PLA2G4A: variants seen among roughly 807,000 people sequenced by gnomAD.
PLA2G4A encodes cytosolic phospholipase A2.
In PLA2G4A, 40 loss-of-function variants were observed where a neutral mutation model predicts 81.9. That is an observed-to-expected ratio of 0.49 (90% CI 0.38 to 0.64). PLA2G4A has a LOEUF of 0.64. Among genes scored for constraint, PLA2G4A ranks in the 30% least tolerant of loss-of-function variants. PLA2G4A has a pLI of 0.00. For missense variants in PLA2G4A, 715 were observed against 905.1 expected, an observed-to-expected ratio of 0.79 and a Z score of 2.69; for synonymous variants, 302 against 296.9, an observed-to-expected ratio of 1.02 and a Z score of -0.18.
chr1:186,979,535 T>A, intron 17 of PLA2G4A, 63 bp downstream of exon 17: 7 of 1,010,162 alleles, frequency 6.9e-6, no homozygotes, highest in Non-Finnish European at 1.1e-5. Flanking sequence ...AATACACCAA[T>A]ACCTCTTTTC....
At chr1:186,919,508 G>A (rs763745673) in intron 7 of PLA2G4A, among the ~76,000 whole-genome samples, 23 of 152,266 alleles carry the variant, frequency 1.5e-4, no homozygotes, top group African/African-American at 3.9e-4. Flanking sequence ...GCAGAAGGTC[G>A]TCCACGTACA....
intron 2 of PLA2G4A, among the ~76,000 whole-genome samples, chr1:186,857,128 A>ATATATATTATATAATTATATAAT (rs1558367749): frequency 0.15 from 267 of 1,770 alleles, 6 homozygotes; most frequent in African/African-American, 0.29. Flanking sequence ...ATATTCTATA[A>ATATATATTATATAATTATATAAT]TATATATTAT....
At chr1:186,888,798 C>T (rs1388399210) in intron 3 of PLA2G4A, among the ~76,000 whole-genome samples, 3 of 151,246 alleles carry the variant, frequency 2.0e-5, no homozygotes, top group Admixed American at 6.6e-5. Context: ...TTGTATTCCA[C>T]GTTGGTTTTT....
chr1:186,870,584 C>G (rs979912556), intron 3 of PLA2G4A, 68 bp downstream of exon 3: 5 of 1,239,036 alleles, frequency 4.0e-6, no homozygotes, highest in Middle Eastern at 1.9e-4. Flanking sequence ...GCTTGAGTTC[C>G]TTGACAAATC....
chr1:186,868,030 G>A (rs1031810281), intron 2 of PLA2G4A, among the ~76,000 whole-genome samples: 1 of 147,368 alleles, frequency 6.8e-6, no homozygotes, highest in Non-Finnish European at 1.5e-5. Context: ...AACCAGCCTT[G>A]TGTATCTGAC....
intron 10 of PLA2G4A, among the ~76,000 whole-genome samples, chr1:186,943,304 C>T (rs2102226619): frequency 6.6e-6 from 1 of 152,296 alleles, no homozygotes; most frequent in East Asian, 1.9e-4. Context: ...TCCTCCACTA[C>T]ATCACATTGC....
intron 14 of PLA2G4A, among the ~76,000 whole-genome samples, chr1:186,963,692 G>A (rs999983695): frequency 1.3e-5 from 2 of 152,140 alleles, no homozygotes; most frequent in Non-Finnish European, 2.9e-5. Flanking sequence ...TCACTAGTAA[G>A]CGTTTGTAAC....
At chr1:186,913,266 A>C (rs1326634421) in intron 7 of PLA2G4A, among the ~76,000 whole-genome samples, 1 of 151,992 alleles carries the variant, frequency 6.6e-6, no homozygotes, top group Non-Finnish European at 1.5e-5. Flanking sequence ...CTGGAATATA[A>C]ATATAAACAA....
chr1:186,915,451 A>G (rs928567733), intron 7 of PLA2G4A, among the ~76,000 whole-genome samples: 26 of 152,208 alleles, frequency 1.7e-4, no homozygotes, highest in Admixed American at 1.5e-3. Context: ...CCCAAGTAGC[A>G]GGCCCATAAT....
chr1:186,987,418 G>A (rs1257324884), intron 17 of PLA2G4A, among the ~76,000 whole-genome samples: 2 of 152,202 alleles, frequency 1.3e-5, no homozygotes, highest in African/African-American at 2.4e-5. Context: ...CAATCCCTGA[G>A]GTAGAGAATA....
At chr1:186,857,158 A>ATATTC (rs1242993931) in intron 2 of PLA2G4A, among the ~76,000 whole-genome samples, 80 of 500 alleles carry the variant, frequency 0.16, no homozygotes, top group African/African-American at 0.23. Context: ...TAATTACATA[A>ATATTC]TATAATATAA....
intron 10 of PLA2G4A, among the ~76,000 whole-genome samples, chr1:186,942,838 G>A (rs1436597354): frequency 6.6e-6 from 1 of 152,214 alleles, no homozygotes; most frequent in Non-Finnish European, 1.5e-5. Context: ...ACTGAGATGA[G>A]TGGTGCATCA....
At position 186,954,247 on chromosome 1, in the gene PLA2G4A, A is replaced by T. The variant is rs191379897; in HGVS notation, c.1337-1855A>T. On this transcript the variant is annotated intron_variant, in intron 13 of 17. Coordinates refer to ENST00000367466, the MANE Select transcript of PLA2G4A (RefSeq NM_024420.3). Reference sequence around the variant, plus strand: ...AAATGTGGCAAATATATACCATGGAATACTATATAGCCATAAAAAAGGATG... The same window carrying T: ...AAATGTGGCAAATATATACCATGGATTACTATATAGCCATAAAAAAGGATG... 7.9e-5 allele frequency among the ~76,000 whole-genome samples: 12 copies of T among 152,326 alleles called. 1 individual carries two copies. In the South Asian group the frequency reaches 2.5e-3, roughly 32 times the overall value.
chr1:186,839,494 G>T (rs12720491), intron 1 of PLA2G4A, among the ~76,000 whole-genome samples: 1 of 152,080 alleles, frequency 6.6e-6, no homozygotes, highest in African/African-American at 2.4e-5. Context: ...TGTTAATTTC[G>T]TATTTTCCAA....
intron 5 of PLA2G4A, among the ~76,000 whole-genome samples, chr1:186,895,260 G>A (rs1416397655): frequency 6.6e-6 from 1 of 152,190 alleles, no homozygotes; most frequent in African/African-American, 2.4e-5. Context: ...GAATGAATGT[G>A]TACCTATTTA....
intron 7 of PLA2G4A, among the ~76,000 whole-genome samples, chr1:186,922,450 GGT>G (rs1655385117): frequency 6.6e-6 from 1 of 152,166 alleles, no homozygotes. Flanking sequence ...GTTCCTTCCT[GGT>G]GTTCAGCCAC....
At chr1:186,929,831 G>A (rs1276335491) in intron 7 of PLA2G4A, among the ~76,000 whole-genome samples, 1 of 152,168 alleles carries the variant, frequency 6.6e-6, no homozygotes, top group African/African-American at 2.4e-5. Context: ...GGAGGGCAAG[G>A]TGGGCAGATC....
At chr1:186,896,695 C>T (rs1654343638) in intron 5 of PLA2G4A, among the ~76,000 whole-genome samples, 1 of 152,210 alleles carries the variant, frequency 6.6e-6, no homozygotes, top group South Asian at 2.1e-4. Context: ...TCTAAAAAGG[C>T]TTTCCACATT....
intron 15 of PLA2G4A, among the ~76,000 whole-genome samples, chr1:186,966,649 G>C (rs1014430847): frequency 2.6e-5 from 4 of 152,102 alleles, no homozygotes; most frequent in Non-Finnish European, 5.9e-5. Flanking sequence ...AGATTGCTGG[G>C]CTGCACTTTG....
Sources: allele counts gnomAD v4.1 joint callset (sites outside exome capture counted in the v4.1 genomes callset), GRCh38; gene constraint gnomAD v4.1.1; transcripts MANE v1.5; gene names NCBI Gene and HGNC (gene_info 2026-07-23, HGNC 2026-07-21).